Variants in RFT1 observed in about 807,000 individuals in gnomAD.
RFT1 encodes the protein man(5)GlcNAc(2)-PP-dolichol translocation protein RFT1.
A neutral mutation model predicts 62.2 loss-of-function variants in RFT1; 43 were observed. That is an observed-to-expected ratio of 0.69 (90% CI 0.54 to 0.89). The LOEUF is 0.89. Ranked by LOEUF, RFT1 falls within the 40% of genes least tolerant of loss-of-function variation. RFT1 has a pLI of 0.00. For synonymous variants in RFT1, 262 were observed against 264.6 expected, an observed-to-expected ratio of 0.99 and a Z score of 0.10; for missense variants, 605 against 649.9, an observed-to-expected ratio of 0.93 and a Z score of 0.75.
At chr3:53,105,140 A>G (rs2107112770) in intron 9 of RFT1, among the ~76,000 whole-genome samples, 1 of 152,360 alleles carries the variant, frequency 6.6e-6, no homozygotes, top group East Asian at 1.9e-4. Context: ...ATGGCCAGGT[A>G]TGGGGGCTCA....
At chr3:53,107,768 A>G (rs1575491236) in intron 7 of RFT1, among the ~76,000 whole-genome samples, 1 of 152,198 alleles carries the variant, frequency 6.6e-6, no homozygotes, top group East Asian at 1.9e-4. Flanking sequence ...CTATGAAGAA[A>G]AAGTGTTGAC....
At chr3:53,107,129 T>TA (rs1701502545) in intron 7 of RFT1, among the ~76,000 whole-genome samples, 2 of 122,472 alleles carry the variant, frequency 1.6e-5, no homozygotes, top group Non-Finnish European at 3.3e-5. Context: ...AAAACAAGTC[T>TA]AAAAAGGTTT....
chr3:53,084,280 G>A (rs892237667), downstream of RFT1, among the ~76,000 whole-genome samples: 2 of 152,226 alleles, frequency 1.3e-5, no homozygotes, highest in Admixed American at 6.5e-5. Flanking sequence ...GAGGTCCTCT[G>A]GCACCCCTTA....
chr3:53,070,393 G>GTTTTTTTTTTT, the RFT1 span, among the ~76,000 whole-genome samples: 4 of 85,448 alleles, frequency 4.7e-5, no homozygotes, highest in Non-Finnish European at 6.8e-5. Flanking sequence ...CTGTATTATG[G>GTTTTTTTTTTT]TTTTTTTTTT....
At chr3:53,130,283 C>T in intron 1 of RFT1, 55 bp downstream of exon 1, 1 of 1,514,816 alleles carries the variant, frequency 6.6e-7, no homozygotes. Flanking sequence ...CCAAGGGCTG[C>T]CATCCCGCGA....
rs114670283 is a variant in RFT1, at chr3:53,126,254, C to T, written c.64-260G>A. Among the ~76,000 whole-genome samples, 39,973 of 152,070 alleles carry T rather than the reference C, an allele frequency of 0.26. 5,637 individuals are homozygous for T. Among genetic ancestry groups the T allele is most frequent in the Middle Eastern group, 0.4 (117 of 294 alleles). The stretch of plus-strand genomic sequence containing the variant: ...AGGCTCCCTAATTTATTAATAACAA[C>T]CAAGAGGCCCCAATAGACTCACTGA... On this transcript the variant is annotated intron_variant, in intron 1 of 12. Coordinates refer to ENST00000296292, the MANE Select transcript of RFT1 (RefSeq NM_052859.4).
rs182393273 is a variant in RFT1, at chr3:53,129,480, T to C, written c.63+858A>G. On this transcript the variant is annotated intron_variant, in intron 1 of 12. Transcript: ENST00000296292. The stretch of plus-strand genomic sequence containing the variant: ...GCTTGGTTCTTTCTTCTGCCCTCCA[T>C]GTGCCTCTCTAAGATAAGGGGTAGG... Among the ~76,000 whole-genome samples the C allele has an allele frequency of 5.3e-5, 8 of 152,232 alleles. No homozygotes were observed. In the East Asian group the frequency reaches 1.5e-3, roughly 29 times the overall value.
At chr3:53,098,242 A>G (rs1047370717) in intron 11 of RFT1, among the ~76,000 whole-genome samples, 1 of 152,212 alleles carries the variant, frequency 6.6e-6, no homozygotes, top group Non-Finnish European at 1.5e-5. Context: ...CAAGCCTTCT[A>G]AGATTCTAAT....
At chr3:53,115,500 C>T (rs1468774064) in intron 6 of RFT1, among the ~76,000 whole-genome samples, 1 of 152,174 alleles carries the variant, frequency 6.6e-6, no homozygotes, top group African/African-American at 2.4e-5. Flanking sequence ...CCACCTGACC[C>T]TAGCCTGGCA....
intron 7 of RFT1, among the ~76,000 whole-genome samples, chr3:53,109,787 G>A (rs1046086911): frequency 1.7e-4 from 26 of 152,254 alleles, no homozygotes; most frequent in African/African-American, 5.8e-4. Flanking sequence ...CTGCATTCCA[G>A]CCTGGGTGAC....
At chr3:53,099,059 G>A (rs530987395) in intron 11 of RFT1, among the ~76,000 whole-genome samples, 26 of 152,246 alleles carry the variant, frequency 1.7e-4, no homozygotes, top group African/African-American at 6.3e-4. Flanking sequence ...GGTGAGCAAG[G>A]AGGTGGAGGA....
At chr3:53,094,377 ACACACACACT>A (rs751011239) in intron 11 of RFT1, among the ~76,000 whole-genome samples, 4 of 122,254 alleles carry the variant, frequency 3.3e-5, no homozygotes, top group South Asian at 2.7e-4. Flanking sequence ...ACACACACAC[ACACACACACT>A]CTCACACACA....
At chr3:53,070,615 C>CTG in the RFT1 span, among the ~76,000 whole-genome samples, 1 of 151,974 alleles carries the variant, frequency 6.6e-6, no homozygotes, top group Non-Finnish European at 1.5e-5. Context: ...GTTGGCCAGG[C>CTG]TGGTCTCGAA....
At chr3:53,098,709 G>A (rs1575483573) in intron 11 of RFT1, among the ~76,000 whole-genome samples, 1 of 147,634 alleles carries the variant, frequency 6.8e-6, no homozygotes, top group East Asian at 2.1e-4. Context: ...GGCTGAGGCA[G>A]GAGAATGGCG....
the RFT1 span, among the ~76,000 whole-genome samples, chr3:53,077,500 G>A: frequency 2.6e-5 from 4 of 152,216 alleles, no homozygotes; most frequent in Admixed American, 6.5e-5. Flanking sequence ...AGGCCCTGTC[G>A]CCCACAGAAG....
intron 11 of RFT1, among the ~76,000 whole-genome samples, chr3:53,098,621 T>G (rs1169961947): frequency 2.0e-5 from 3 of 151,656 alleles, no homozygotes; most frequent in African/African-American, 4.8e-5. Context: ...GCTGACACGG[T>G]GAAACCCCAT....
At chr3:53,106,964 A>G (rs1701495796) in intron 7 of RFT1, 95 bp from the exon 8 acceptor site, 1 of 886,020 alleles carries the variant, frequency 1.1e-6, no homozygotes, top group Non-Finnish European at 1.9e-6. Flanking sequence ...CCAGCTGACA[A>G]ATAAAGGAGA....
At chr3:53,112,078 G>C (rs1161207484) in intron 6 of RFT1, among the ~76,000 whole-genome samples, 170 bp from the exon 7 acceptor site, 1 of 152,192 alleles carries the variant, frequency 6.6e-6, no homozygotes, top group Non-Finnish European at 1.5e-5. Context: ...AAACACTGGA[G>C]AAGAATTTAC....
intron 10 of RFT1, chr3:53,103,200 T>C (rs1271002797): frequency 1.0e-6 from 1 of 985,276 alleles, no homozygotes; most frequent in Non-Finnish European, 1.2e-6. Flanking sequence ...TAAAATGGCA[T>C]TTGACAAAGC....
Sources: allele counts gnomAD v4.1 joint callset (sites outside exome capture counted in the v4.1 genomes callset), GRCh38; gene constraint gnomAD v4.1.1; transcripts MANE v1.5; gene names NCBI Gene and HGNC (gene_info 2026-07-23, HGNC 2026-07-21).